Variants in AUTS2 observed in about 807,000 individuals in gnomAD.
AUTS2 encodes the protein activator of transcription and developmental regulator AUTS2, also known as autism susceptibility gene 2 protein.
A neutral mutation model predicts 112.4 loss-of-function variants in AUTS2; 17 were observed. That is an observed-to-expected ratio of 0.15 (90% CI 0.10 to 0.23). The LOEUF (loss-of-function observed/expected upper bound fraction) is 0.23. Among genes scored for constraint, AUTS2 ranks in the 10% least tolerant of loss-of-function variants. The pLI is 1.00. For missense variants in AUTS2, 1,510 were observed against 1,701.6 expected, an observed-to-expected ratio of 0.89 and a Z score of 1.98; for synonymous variants, 751 against 702.7, an observed-to-expected ratio of 1.07 and a Z score of -1.09.
chr7:70,728,047 A>G (rs1787137160), intron 6 of AUTS2, among the ~76,000 whole-genome samples: 2 of 152,078 alleles, frequency 1.3e-5, no homozygotes. Context: ...AAATTTTATG[A>G]CCTGCTTTGG....
At chr7:70,762,468 ATG>A (rs2129556880) in intron 6 of AUTS2, among the ~76,000 whole-genome samples, 1 of 151,540 alleles carries the variant, frequency 6.6e-6, no homozygotes, top group East Asian at 1.9e-4. Flanking sequence ...GGGTCTTGCT[ATG>A]TTGCCCAGGC....
intron 1 of AUTS2, among the ~76,000 whole-genome samples, chr7:69,627,451 A>AT (rs1218307861): frequency 1.3e-5 from 2 of 152,140 alleles, no homozygotes; most frequent in Non-Finnish European, 2.9e-5. Flanking sequence ...AGATCACGCC[A>AT]TTGCACTCCA....
chr7:70,208,100 C>T (rs905456035), intron 4 of AUTS2, among the ~76,000 whole-genome samples: 6 of 150,508 alleles, frequency 4.0e-5, no homozygotes, highest in African/African-American at 1.5e-4. Context: ...ATTGTATCTG[C>T]TTTCTACACA....
chr7:69,931,398 C>G (rs1479349180), intron 2 of AUTS2, among the ~76,000 whole-genome samples: 1 of 152,192 alleles, frequency 6.6e-6, no homozygotes. Flanking sequence ...ATCTTTGCAG[C>G]TTGCTATTAT....
At chr7:70,330,533 T>C (rs781318197) in intron 4 of AUTS2, among the ~76,000 whole-genome samples, 36 of 152,212 alleles carry the variant, frequency 2.4e-4, no homozygotes, top group Non-Finnish European at 1.6e-4. Context: ...TATAGGTTTG[T>C]AATTAAGTTT....
intron 13 of AUTS2, chr7:70,776,716 C>G (rs1345993734): frequency 3.2e-6 from 1 of 313,740 alleles, no homozygotes; most frequent in East Asian, 9.1e-5. Context: ...CTCTTCTGAA[C>G]AGCTGATTTG....
intron 6 of AUTS2, among the ~76,000 whole-genome samples, chr7:70,721,202 T>A (rs902919620): frequency 6.6e-6 from 1 of 151,746 alleles, no homozygotes; most frequent in Non-Finnish European, 1.5e-5. Flanking sequence ...CTGGTATTGT[T>A]ACTGCTGTAT....
intron 5 of AUTS2, among the ~76,000 whole-genome samples, chr7:70,689,296 A>T (rs1164912890): frequency 6.6e-6 from 1 of 152,096 alleles, no homozygotes; most frequent in African/African-American, 2.4e-5. Flanking sequence ...TAGGAGGATC[A>T]CTTGAGCCCA....
At chr7:70,378,878 G>C (rs1212542846) in intron 4 of AUTS2, among the ~76,000 whole-genome samples, 3 of 152,194 alleles carry the variant, frequency 2.0e-5, no homozygotes, top group Admixed American at 2.0e-4. Flanking sequence ...AAAGCTATAA[G>C]TATATGATTC....
intron 5 of AUTS2, among the ~76,000 whole-genome samples, chr7:70,584,748 A>G (rs1802606571): frequency 1.3e-5 from 2 of 152,248 alleles, no homozygotes; most frequent in African/African-American, 4.8e-5. Flanking sequence ...CTTGCTCTGA[A>G]GAAGGAAGGG....
Position 70,606,484 on chromosome 7 carries a change from GA to G in AUTS2, c.691-92079del, listed in dbSNP as rs561566949. ...TGTTAGCAGCCGGGGATACAGTGGTGAAAAAAGTAGACATGAAGCTTCATGA... is the reference window on the plus strand; with the variant it reads ...TGTTAGCAGCCGGGGATACAGTGGTGAAAAAGTAGACATGAAGCTTCATGA... On this transcript the variant is annotated intron_variant, in intron 5 of 18. Transcript: ENST00000342771. Among the ~76,000 whole-genome samples, 448 of 152,256 alleles carry G rather than the reference GA, an allele frequency of 2.9e-3. 3 individuals carry two copies. Among genetic ancestry groups the G allele is most frequent in the Non-Finnish European group, 4.4e-3 (296 of 68,016 alleles).
intron 1 of AUTS2, among the ~76,000 whole-genome samples, chr7:69,685,053 C>T (rs1341888299): frequency 6.6e-6 from 1 of 152,198 alleles, no homozygotes; most frequent in Admixed American, 6.5e-5. Context: ...AGTGACTCCA[C>T]ACCGCTTCTG....
intron 1 of AUTS2, among the ~76,000 whole-genome samples, chr7:69,845,111 C>A (rs1391333505): frequency 1.3e-5 from 2 of 152,164 alleles, no homozygotes; most frequent in Admixed American, 6.5e-5. Context: ...TGTTAGAATT[C>A]ACCTTCAGGC....
intron 2 of AUTS2, among the ~76,000 whole-genome samples, chr7:69,996,549 T>C (rs13235055): frequency 1.3e-5 from 2 of 152,162 alleles, no homozygotes; most frequent in South Asian, 2.1e-4. Flanking sequence ...TCAAGGAATC[T>C]CCTACAAACA....
chr7:70,113,675 G>T (rs965216848), intron 2 of AUTS2, among the ~76,000 whole-genome samples: 19 of 152,120 alleles, frequency 1.2e-4, no homozygotes, highest in Non-Finnish European at 1.5e-4. Flanking sequence ...TGCATAATTC[G>T]CATCATTCCT....
chr7:70,289,029 G>T (rs1788591004), intron 4 of AUTS2, among the ~76,000 whole-genome samples: 1 of 152,150 alleles, frequency 6.6e-6, no homozygotes, highest in South Asian at 2.1e-4. Context: ...TATTGGGTGT[G>T]TCTCTTCATT....
intron 4 of AUTS2, among the ~76,000 whole-genome samples, chr7:70,282,642 C>T (rs537540025): frequency 7.2e-5 from 11 of 152,296 alleles, no homozygotes; most frequent in Non-Finnish European, 1.3e-4. Flanking sequence ...AGGATTTCAA[C>T]ATGTAGATTT....
chr7:69,894,270 TTTTTTTTTA>T lies in AUTS2; in HGVS notation c.310-5015_310-5007del, dbSNP rs1469745381. On this transcript the variant is annotated intron_variant, in intron 1 of 18. Transcript: ENST00000342771. ...TTAAAGCGTTTTTTTTTTTTTTTTTTTTTTTTTTAACAGATTTCTTTCTTATCCTTCTGC... is the reference window on the plus strand; with the variant it reads ...TTAAAGCGTTTTTTTTTTTTTTTTTTACAGATTTCTTTCTTATCCTTCTGC... Among the ~76,000 whole-genome samples the T allele has an allele frequency of 2.7e-3, 318 of 119,976 alleles. 8 individuals carry two copies. The highest frequency in any genetic ancestry group is 8.8e-3 in the African/African-American group (307 of 35,054). 78.7% of individuals were successfully genotyped at this position (119,976 alleles called of 152,430 possible).
intron 4 of AUTS2, among the ~76,000 whole-genome samples, chr7:70,420,663 G>A (rs747133816): frequency 8.5e-5 from 13 of 152,174 alleles, no homozygotes; most frequent in Non-Finnish European, 1.5e-4. Context: ...AAAATAGTAA[G>A]CAGTGACTGA....
Sources: gnomAD v4.1 joint callset for allele counts (sites outside exome capture counted in the v4.1 genomes callset) on GRCh38, gnomAD v4.1.1 for gene constraint, MANE v1.5 for transcripts, NCBI Gene and HGNC (gene_info 2026-07-23, HGNC 2026-07-21) for gene names.